Variants in KIAA1217 observed in about 807,000 individuals in gnomAD.
The protein encoded by KIAA1217 is KIAA1217.
A neutral mutation model predicts 163.9 loss-of-function variants in KIAA1217; 88 were observed. That is an observed-to-expected ratio of 0.54 (90% CI 0.45 to 0.64). The LOEUF (loss-of-function observed/expected upper bound fraction) is 0.64. Ranked by LOEUF, KIAA1217 falls within the 30% of genes least tolerant of loss-of-function variation. The probability of loss-of-function intolerance (pLI) is 0.00; values close to 1 mark genes in which losing one functional copy is unlikely to be tolerated. For synonymous variants in KIAA1217, 903 were observed against 923.1 expected (o/e 0.98, Z 0.39); for missense variants, 2,372 against 2,475.0 (o/e 0.96, Z 0.88).
At chr10:24,458,690 G>T (rs1009022720) in intron 5 of KIAA1217, among the ~76,000 whole-genome samples, 2 of 152,204 alleles carry the variant, frequency 1.3e-5, no homozygotes, top group Admixed American at 6.5e-5. Flanking sequence ...TAATGGGAAT[G>T]AGATGAGAAT....
chr10:24,388,458 A>G (rs1433539219), intron 3 of KIAA1217, among the ~76,000 whole-genome samples: 2 of 152,228 alleles, frequency 1.3e-5, no homozygotes, highest in Non-Finnish European at 2.9e-5. Flanking sequence ...CAAAAACCCT[A>G]GAAGAAAACC....
At chr10:24,060,332 G>C (rs760043319) in intron 2 of KIAA1217, among the ~76,000 whole-genome samples, 1 of 151,788 alleles carries the variant, frequency 6.6e-6, no homozygotes, top group Non-Finnish European at 1.5e-5. Flanking sequence ...TTTCATTTTT[G>C]TTGGTTGCAA....
chr10:24,063,238 G>T (rs945154470), intron 2 of KIAA1217, among the ~76,000 whole-genome samples: 14 of 152,154 alleles, frequency 9.2e-5, no homozygotes, highest in African/African-American at 2.9e-4. Context: ...GAATGGTATT[G>T]CCTAGGTTTT....
intron 1 of KIAA1217, among the ~76,000 whole-genome samples, chr10:23,738,617 T>G (rs1025785998): frequency 1.1e-5 from 1 of 87,786 alleles, no homozygotes; most frequent in Admixed American, 1.1e-4. Flanking sequence ...TTTAGAAATG[T>G]TTTTTTTTCT....
intron 1 of KIAA1217, among the ~76,000 whole-genome samples, chr10:23,761,703 C>T (rs1031387887): frequency 3.3e-5 from 5 of 152,066 alleles, no homozygotes; most frequent in Admixed American, 6.6e-5. Flanking sequence ...ATAATTGCCA[C>T]GTGGCACTGA....
intron 1 of KIAA1217, among the ~76,000 whole-genome samples, chr10:23,947,757 G>T (rs1361883248): frequency 6.6e-6 from 1 of 152,154 alleles, no homozygotes; most frequent in East Asian, 1.9e-4. Flanking sequence ...AATGTTGCCT[G>T]CCTAAAGCTT....
intron 1 of KIAA1217, among the ~76,000 whole-genome samples, chr10:23,757,579 G>A (rs1357398077): frequency 2.0e-5 from 3 of 151,946 alleles, no homozygotes; most frequent in Non-Finnish European, 4.4e-5. Flanking sequence ...GTGCAGTGGC[G>A]TGATCTCAGT....
At chr10:23,700,050 G>A (rs1293406558) in intron 1 of KIAA1217, among the ~76,000 whole-genome samples, 1 of 152,304 alleles carries the variant, frequency 6.6e-6, no homozygotes, top group African/African-American at 2.4e-5. Context: ...GAGAGCCACA[G>A]CCTTCTAAAG....
At chr10:23,855,028 T>C (rs1839576444) in intron 1 of KIAA1217, among the ~76,000 whole-genome samples, 1 of 152,180 alleles carries the variant, frequency 6.6e-6, no homozygotes, top group African/African-American at 2.4e-5. Flanking sequence ...AAAGTTAATA[T>C]TGTTATGTGT....
At position 23,849,777 on chromosome 10, in the gene KIAA1217, A is replaced by G. The variant is rs189540527; in HGVS notation, c.-321+154543A>G. Among the ~76,000 whole-genome samples, 12 of 152,214 alleles carry G rather than the reference A, an allele frequency of 7.9e-5. No homozygotes were observed. The East Asian group carries it at 2.3e-3, about 29-fold the overall frequency. On this transcript the variant is annotated intron_variant, in intron 1 of 18. Transcript: ENST00000376462. ...GTCTACTTTCCCTCTCATTCCCTAG[A>G]ACTGGTCAAAAGACTTTCTGTTCTA...
At chr10:23,910,348 C>A (rs541133658) in intron 1 of KIAA1217, among the ~76,000 whole-genome samples, 20 of 151,956 alleles carry the variant, frequency 1.3e-4, no homozygotes, top group African/African-American at 2.2e-4. Context: ...TAAGCGATTT[C>A]AAAATCTCAA....
intron 1 of KIAA1217, among the ~76,000 whole-genome samples, chr10:23,864,947 G>A (rs1366254441): frequency 6.6e-6 from 1 of 151,936 alleles, no homozygotes; most frequent in African/African-American, 2.4e-5. Flanking sequence ...ATTTGATGAG[G>A]CCCACCCACA....
chr10:23,979,306 T>G (rs1293345491), intron 1 of KIAA1217, among the ~76,000 whole-genome samples: 1 of 152,182 alleles, frequency 6.6e-6, no homozygotes, highest in Non-Finnish European at 1.5e-5. Context: ...CCGCCCAAGT[T>G]GACATAGCCA....
rs72267704 is a variant in KIAA1217, at chr10:24,092,928, T to TTGTGTGTGTGTG, written c.-171+85569_-171+85580dup. Among the ~76,000 whole-genome samples the TTGTGTGTGTGTG allele has an allele frequency of 3.2e-3, 449 of 141,056 alleles. 7 individuals carry two copies. The highest frequency in any genetic ancestry group is 0.012 in the African/African-American group (433 of 36,510). The allele number at this position is 141,056 out of a possible 152,430, so 92.5% of individuals were successfully genotyped here. On this transcript the variant is annotated intron_variant, in intron 2 of 18. Transcript: ENST00000376462. ...TAGTGTGTGTGTGTGTGTGTGTGTG[T>TTGTGTGTGTGTG]TGTGTGTGTGTGTGTGTGTGTGTGT...
intron 1 of KIAA1217, among the ~76,000 whole-genome samples, chr10:23,968,643 TG>T (rs1391273142): frequency 6.6e-6 from 1 of 152,206 alleles, no homozygotes; most frequent in African/African-American, 2.4e-5. Flanking sequence ...ACCCAACCCC[TG>T]GCCCTAGACA....
intron 2 of KIAA1217, among the ~76,000 whole-genome samples, chr10:24,139,227 C>G (rs1234070905): frequency 2.0e-5 from 3 of 151,928 alleles, no homozygotes; most frequent in Non-Finnish European, 2.9e-5. Context: ...ATTGAATGTT[C>G]CCATTTTTAA....
intron 2 of KIAA1217, among the ~76,000 whole-genome samples, chr10:24,032,345 G>A (rs77728731): frequency 0.025 from 3,796 of 151,384 alleles, 148 homozygotes; most frequent in African/African-American, 0.089. Context: ...CTGCAACCTC[G>A]GCCTCCTAGG....
At chr10:24,326,096 G>C (rs1006749143) in intron 2 of KIAA1217, among the ~76,000 whole-genome samples, 3 of 152,100 alleles carry the variant, frequency 2.0e-5, no homozygotes, top group African/African-American at 7.2e-5. Context: ...ACACTATAAA[G>C]GCCTTGCATA....
chr10:23,999,047 T>A (rs1255738624), intron 1 of KIAA1217, among the ~76,000 whole-genome samples: 1 of 152,232 alleles, frequency 6.6e-6, no homozygotes. Flanking sequence ...TAACTATCAC[T>A]AAAAATAGCC....
Sources: gnomAD v4.1 joint callset for allele counts (sites outside exome capture counted in the v4.1 genomes callset) on GRCh38, gnomAD v4.1.1 for gene constraint, MANE v1.5 for transcripts, NCBI Gene and HGNC (gene_info 2026-07-23, HGNC 2026-07-21) for gene names.